The following GALNT2 variants were observed in gnomAD, a reference collection of about 807,000 sequenced individuals.
GALNT2 encodes UDP-GalNAc:polypeptide N-acetylgalactosaminyltransferase 2.
GALNT2 carries 31 observed loss-of-function variants against 81.4 expected under a neutral mutation model. That is an observed-to-expected ratio of 0.38 (90% CI 0.29 to 0.51). The LOEUF is 0.51. GALNT2 is among the 20% of genes least tolerant of loss of function. The pLI is 0.87. For synonymous variants in GALNT2, 303 were observed against 287.4 expected, an observed-to-expected ratio of 1.05 and a Z score of -0.55; for missense variants, 629 against 765.7, an observed-to-expected ratio of 0.82 and a Z score of 2.11.
intron 1 of GALNT2, among the ~76,000 whole-genome samples, chr1:230,084,504 G>T (rs1313277796): frequency 6.6e-6 from 1 of 152,174 alleles, no homozygotes; most frequent in Non-Finnish European, 1.5e-5. Context: ...GGGATGGTGA[G>T]CATTTAGGAT....
chr1:230,125,254 A>G (rs1055787901), intron 1 of GALNT2, among the ~76,000 whole-genome samples: 2 of 152,206 alleles, frequency 1.3e-5, no homozygotes, highest in Non-Finnish European at 2.9e-5. Context: ...TCCCTTTCCC[A>G]CAATCAGAGT....
chr1:230,266,472 T>C (rs1272480399), intron 14 of GALNT2, among the ~76,000 whole-genome samples: 1 of 152,190 alleles, frequency 6.6e-6, no homozygotes. Flanking sequence ...GTATCCTGAA[T>C]GTATTGATTT....
At chr1:230,081,952 G>A (rs547660730) in intron 1 of GALNT2, among the ~76,000 whole-genome samples, 1 of 152,312 alleles carries the variant, frequency 6.6e-6, no homozygotes, top group African/African-American at 2.4e-5. Context: ...TGATGCTGAC[G>A]AGCTTAGTGA....
At chr1:230,118,302 G>A (rs576439090) in intron 1 of GALNT2, among the ~76,000 whole-genome samples, 4 of 152,346 alleles carry the variant, frequency 2.6e-5, no homozygotes, top group African/African-American at 9.6e-5. Context: ...GAATAAAGGT[G>A]TTAGGAACAT....
intron 1 of GALNT2, among the ~76,000 whole-genome samples, chr1:230,167,868 C>CT (rs1558120823): frequency 6.6e-6 from 1 of 152,156 alleles, no homozygotes; most frequent in African/African-American, 2.4e-5. Context: ...CTCCTCCCAC[C>CT]TTTTTTTCTT....
intron 1 of GALNT2, among the ~76,000 whole-genome samples, chr1:230,118,077 T>C (rs1660898820): frequency 6.6e-6 from 1 of 152,252 alleles, no homozygotes; most frequent in Non-Finnish European, 1.5e-5. Context: ...TCCCAGAATG[T>C]TGGAATCATT....
chr1:230,205,096 G>A (rs903625160), intron 3 of GALNT2, among the ~76,000 whole-genome samples: 5 of 152,210 alleles, frequency 3.3e-5, no homozygotes, highest in Non-Finnish European at 7.3e-5. Flanking sequence ...CTAATTTCAC[G>A]GGCTGGAGTT....
chr1:230,102,552 G>A (rs188354057), intron 1 of GALNT2, among the ~76,000 whole-genome samples: 2 of 152,190 alleles, frequency 1.3e-5, no homozygotes, highest in East Asian at 3.9e-4. Flanking sequence ...TACCTTGGGG[G>A]TTCCGTTTCG....
intron 3 of GALNT2, among the ~76,000 whole-genome samples, chr1:230,233,654 A>G (rs1215755003): frequency 1.3e-5 from 2 of 151,942 alleles, no homozygotes; most frequent in Admixed American, 6.6e-5. Flanking sequence ...TTTTTAATGT[A>G]TTGGTCCCCT....
At chr1:230,107,638 GT>G (rs1558086820) in intron 1 of GALNT2, among the ~76,000 whole-genome samples, 1 of 151,368 alleles carries the variant, frequency 6.6e-6, no homozygotes, top group South Asian at 2.1e-4. Flanking sequence ...GTGTGTGTGT[GT>G]GTGTGGTTGG....
In GALNT2 at chr1:230,236,240, T is replaced by C. The variant is rs1185453883; in HGVS notation, c.474-113T>C. On this transcript the variant is annotated intron_variant, in intron 4 of 15. Transcript: ENST00000366672. ...CCTGACTGCTCAGCACAGGGTGCAG[T>C]GTGTAGCTCCTCCAACCAAGGGTTA... 5 of 1,351,094 alleles carry C rather than the reference T, an allele frequency of 3.7e-6. No homozygotes were observed. The African/African-American group carries it at 5.7e-5, about 16-fold the overall frequency. 83.7% of individuals were successfully genotyped at this position (1,351,094 alleles called of 1,614,324 possible).
In GALNT2 at chr1:230,154,912, A is replaced by G. The variant is rs369630763; in HGVS notation, c.127-23306A>G. ...GGTTATTTATAACTCACCTTATCAC[A>G]TTGGTAACTTGTGGTTTTATCATTT... On this transcript the variant is annotated intron_variant, in intron 1 of 15. Coordinates refer to ENST00000366672, the MANE Select transcript of GALNT2 (RefSeq NM_004481.5). Among the ~76,000 whole-genome samples, 13 of 152,234 alleles carry G rather than the reference A, an allele frequency of 8.5e-5. No homozygotes were observed. In the East Asian group the frequency reaches 1.7e-3, roughly 20 times the overall value.
intron 1 of GALNT2, among the ~76,000 whole-genome samples, chr1:230,170,258 G>A (rs1274795185): frequency 1.3e-5 from 2 of 152,164 alleles, no homozygotes; most frequent in Non-Finnish European, 2.9e-5. Context: ...AAACTAGGAG[G>A]GCCCATGGCT....
chr1:230,272,581 C>T (rs955972544), intron 14 of GALNT2, among the ~76,000 whole-genome samples: 6 of 152,098 alleles, frequency 3.9e-5, no homozygotes, highest in Non-Finnish European at 8.8e-5. Context: ...CCAAGCCTCC[C>T]TCCCTGTTAG....
intron 1 of GALNT2, among the ~76,000 whole-genome samples, chr1:230,081,802 C>T (rs768291255): frequency 6.6e-6 from 1 of 152,154 alleles, no homozygotes; most frequent in East Asian, 1.9e-4. Flanking sequence ...CTAACCATGA[C>T]GAGGAAGGAT....
intron 10 of GALNT2, among the ~76,000 whole-genome samples, chr1:230,252,843 CTTTTT>C (rs58544942): frequency 1.1e-4 from 9 of 78,950 alleles, no homozygotes; most frequent in African/African-American, 3.6e-4. Context: ...GAGACAACTT[CTTTTT>C]TTTTTTTTTT....
intron 3 of GALNT2, among the ~76,000 whole-genome samples, chr1:230,235,015 A>T (rs1480711534): frequency 6.6e-6 from 1 of 151,920 alleles, no homozygotes; most frequent in East Asian, 1.9e-4. Context: ...GGATTTCGAG[A>T]CCAGCCTGAG....
intron 3 of GALNT2, among the ~76,000 whole-genome samples, chr1:230,224,265 T>C (rs1664639305): frequency 6.6e-6 from 1 of 152,146 alleles, no homozygotes; most frequent in Non-Finnish European, 1.5e-5. Context: ...TGATGAGCAG[T>C]GTGAGCTTCC....
chr1:230,269,810 T>C (rs1666123956), intron 14 of GALNT2, among the ~76,000 whole-genome samples: 1 of 152,036 alleles, frequency 6.6e-6, no homozygotes, highest in South Asian at 2.1e-4. Flanking sequence ...GATGGGAGGA[T>C]TGCTAAAGCC....
Sources: allele counts gnomAD v4.1 joint callset (sites outside exome capture counted in the v4.1 genomes callset), GRCh38; gene constraint gnomAD v4.1.1; transcripts MANE v1.5; gene names NCBI Gene and HGNC (gene_info 2026-07-23, HGNC 2026-07-21).